Variants in IGF1 observed in about 807,000 individuals in gnomAD.
The protein encoded by IGF1 is insulin-like growth factor 1.
In IGF1, 4 loss-of-function variants were observed where a neutral mutation model predicts 13.8. The ratio of observed to expected loss-of-function variants is 0.29; its 90% CI spans 0.14 to 0.66. The LOEUF is 0.66. Ranked by LOEUF, IGF1 falls within the 30% of genes least tolerant of loss-of-function variation. The probability of loss-of-function intolerance (pLI) is 0.78; values close to 1 mark genes in which losing one functional copy is unlikely to be tolerated. For synonymous variants in IGF1, 76 were observed against 72.6 expected (o/e 1.05, Z -0.23); for missense variants, 124 against 188.5 (o/e 0.66, Z 2.00).
chr12:102,481,353 G>C (rs1383694119), upstream of IGF1, among the ~76,000 whole-genome samples: 2 of 135,608 alleles, frequency 1.5e-5, no homozygotes, highest in African/African-American at 6.1e-5. Flanking sequence ...AAACCTGTGT[G>C]TGTGTGTGTG....
At position 102,446,884 on chromosome 12, in the gene IGF1, A is replaced by G. The variant is rs184037557; in HGVS notation, c.221-27194T>C. Among the ~76,000 whole-genome samples, 39 of 152,100 alleles carry G rather than the reference A, an allele frequency of 2.6e-4. No individual in the cohort carries two copies. The East Asian group carries it at 6.4e-3, about 25-fold the overall frequency. ...TAATGCTGTAAATTTCCCTCTAAAA[A>G]CTGCTTTAGCTGTGTCCCAGAGATT... On this transcript the variant is annotated intron_variant, in intron 2 of 3. Coordinates refer to ENST00000337514, the MANE Select transcript of IGF1 (RefSeq NM_000618.5).
At chr12:102,434,843 C>T (rs1877083072) in intron 2 of IGF1, among the ~76,000 whole-genome samples, 2 of 151,700 alleles carry the variant, frequency 1.3e-5, no homozygotes, top group South Asian at 4.2e-4. Flanking sequence ...GCCATTCTAA[C>T]TGGTGTGAGA....
intron 3 of IGF1, among the ~76,000 whole-genome samples, chr12:102,414,240 C>G (rs1388687816): frequency 6.6e-6 from 1 of 151,872 alleles, no homozygotes; most frequent in African/African-American, 2.4e-5. Flanking sequence ...CTCAATAAAC[C>G]CTCACAACAA....
intron 3 of IGF1, 125 bp from the exon 4 acceptor site, chr12:102,402,691 C>A (rs535492231): frequency 4.7e-5 from 34 of 727,938 alleles, no homozygotes; most frequent in Non-Finnish European, 7.1e-5. Context: ...AGAGCTTGAA[C>A]CTTGGTTTTC....
At chr12:102,453,120 A>G (rs958887712) in intron 2 of IGF1, among the ~76,000 whole-genome samples, 6 of 152,198 alleles carry the variant, frequency 3.9e-5, no homozygotes, top group African/African-American at 1.2e-4. Context: ...TACATCATTC[A>G]TGTGTGGCTG....
intron 2 of IGF1, among the ~76,000 whole-genome samples, chr12:102,424,880 A>G (rs964715411): frequency 6.6e-6 from 1 of 152,192 alleles, no homozygotes; most frequent in African/African-American, 2.4e-5. Flanking sequence ...TTGAGAGTCA[A>G]TATTTTGCCT....
intron 3 of IGF1, among the ~76,000 whole-genome samples, chr12:102,412,734 G>T (rs2136971896): frequency 6.6e-6 from 1 of 152,206 alleles, no homozygotes; most frequent in South Asian, 2.1e-4. Context: ...TTTCTTAGGG[G>T]CTCTCTGGAA....
intron 3 of IGF1, among the ~76,000 whole-genome samples, chr12:102,408,795 G>C (rs2136958343): frequency 6.6e-6 from 1 of 152,260 alleles, no homozygotes; most frequent in Middle Eastern, 3.4e-3. Flanking sequence ...TGACTTTGCT[G>C]AACTTTCCTT....
intron 3 of IGF1, among the ~76,000 whole-genome samples, chr12:102,411,562 G>A (rs530537781): frequency 3.3e-5 from 5 of 152,132 alleles, no homozygotes; most frequent in South Asian, 2.1e-4. Context: ...CCATTTGGCC[G>A]GTTTGGGTTT....
At chr12:102,440,429 T>A (rs1341212397) in intron 2 of IGF1, among the ~76,000 whole-genome samples, 1 of 152,166 alleles carries the variant, frequency 6.6e-6, no homozygotes. Flanking sequence ...TCAGAGCGAA[T>A]CCAGACCCAT....
At chr12:102,404,914 T>C (rs759922177) in intron 3 of IGF1, among the ~76,000 whole-genome samples, 1 of 151,732 alleles carries the variant, frequency 6.6e-6, no homozygotes, top group African/African-American at 2.4e-5. Flanking sequence ...CCTGCCACCA[T>C]GCATGGCTAA....
At chr12:102,449,269 A>G (rs952475754) in intron 2 of IGF1, among the ~76,000 whole-genome samples, 2 of 151,786 alleles carry the variant, frequency 1.3e-5, no homozygotes, top group South Asian at 4.2e-4. Flanking sequence ...GAAGCTGAAA[A>G]CCATTCTCAG....
At chr12:102,409,622 G>A (rs1423239839) in intron 3 of IGF1, among the ~76,000 whole-genome samples, 1 of 152,140 alleles carries the variant, frequency 6.6e-6, no homozygotes, top group Non-Finnish European at 1.5e-5. Context: ...ACTAAGAAAT[G>A]CAGGAGAGAG....
chr12:102,451,545 G>C (rs1358973716), intron 2 of IGF1, among the ~76,000 whole-genome samples: 1 of 152,190 alleles, frequency 6.6e-6, no homozygotes, highest in African/African-American at 2.4e-5. Context: ...GAAAAGAAGA[G>C]AAAGTGAAAA....
intron 1 of IGF1, among the ~76,000 whole-genome samples, chr12:102,476,809 A>C (rs767620771): frequency 3.8e-4 from 58 of 152,228 alleles, no homozygotes; most frequent in Non-Finnish European, 7.9e-4. Context: ...CAGCCTTGCC[A>C]AAAGCAGCAG....
intron 3 of IGF1, among the ~76,000 whole-genome samples, chr12:102,407,055 C>T (rs1408443965): frequency 8.1e-6 from 1 of 123,722 alleles, no homozygotes; most frequent in Admixed American, 9.1e-5. Context: ...GATTGTGCCA[C>T]TGCATTCCAG....
chr12:102,471,755 A>G lies in IGF1; in HGVS notation c.220+3888T>C, dbSNP rs528459390. ...AGTTTATTTAAGGGACTGTTTATAG[A>G]CTCTTAAAACTTAAAAAGACCCCAG... is the stretch of plus-strand genomic sequence containing the variant. On this transcript the variant is annotated intron_variant, in intron 2 of 3. Coordinates refer to ENST00000337514, the MANE Select transcript of IGF1 (RefSeq NM_000618.5). Among the ~76,000 whole-genome samples the G allele has an allele frequency of 7.2e-5, 11 of 152,274 alleles. No homozygotes were observed. In the South Asian group the frequency reaches 2.1e-3, roughly 29 times the overall value.
At chr12:102,464,303 T>G (rs2137213926) in intron 2 of IGF1, among the ~76,000 whole-genome samples, 1 of 142,064 alleles carries the variant, frequency 7.0e-6, no homozygotes, top group South Asian at 2.3e-4. Context: ...TCAAGTAGAC[T>G]TGTTGACTTT....
chr12:102,436,453 A>G (rs908714583), intron 2 of IGF1, among the ~76,000 whole-genome samples: 1 of 152,214 alleles, frequency 6.6e-6, no homozygotes. Context: ...AGCTCAGAAG[A>G]CAGACTTCCC....
Sources: allele counts gnomAD v4.1 joint callset (sites outside exome capture counted in the v4.1 genomes callset), GRCh38; gene constraint gnomAD v4.1.1; transcripts MANE v1.5; gene names NCBI Gene and HGNC (gene_info 2026-07-23, HGNC 2026-07-21).